Variants in RGS8 observed in about 807,000 individuals in gnomAD.
RGS8 encodes regulator of G-protein signaling 8.
RGS8 carries 8 observed loss-of-function variants against 21.7 expected under a neutral mutation model. That is an observed-to-expected ratio of 0.37 (90% CI 0.22 to 0.66). The LOEUF (loss-of-function observed/expected upper bound fraction) is 0.66, where lower values mean the gene tolerates loss of function less well. Among genes scored for constraint, RGS8 ranks in the 30% least tolerant of loss-of-function variants. RGS8 has a pLI of 0.59. For synonymous variants in RGS8, 80 were observed against 83.6 expected (o/e 0.96, Z 0.24); for missense variants, 157 against 217.9 (o/e 0.72, Z 1.76).
the RGS8 span, among the ~76,000 whole-genome samples, chr1:182,742,747 G>GAGGGAGAGGGACAGGGACAGGGAC: frequency 6.7e-6 from 1 of 150,296 alleles, no homozygotes; most frequent in Non-Finnish European, 1.5e-5. Context: ...GGGAGAGGGA[G>GAGGGAGAGGGACAGGGACAGGGAC]AGGGACAGGG....
chr1:182,671,543 G>T, intron 2 of RGS8, 114 bp downstream of exon 3: 2 of 873,096 alleles, frequency 2.3e-6, no homozygotes, highest in Non-Finnish European at 3.7e-6. Context: ...TAGAGCCTCC[G>T]AGGGAAGAAA....
the RGS8 span, among the ~76,000 whole-genome samples, chr1:182,695,858 G>T: frequency 6.6e-6 from 1 of 152,090 alleles, no homozygotes; most frequent in Non-Finnish European, 1.5e-5. Flanking sequence ...TAAATATTGG[G>T]TTATATACAT....
the RGS8 span, among the ~76,000 whole-genome samples, chr1:182,696,415 T>A: frequency 6.6e-6 from 1 of 152,214 alleles, no homozygotes; most frequent in African/African-American, 2.4e-5. Flanking sequence ...TGGAATGTAG[T>A]GTCATGATCT....
intron 2 of RGS8, among the ~76,000 whole-genome samples, chr1:182,671,417 A>C (rs569946560): frequency 6.6e-6 from 1 of 152,348 alleles, no homozygotes; most frequent in African/African-American, 2.4e-5. Flanking sequence ...GTGGGCATCA[A>C]GTCACAGGTG....
chr1:182,740,880 C>T, the RGS8 span, among the ~76,000 whole-genome samples: 1 of 152,092 alleles, frequency 6.6e-6, no homozygotes, highest in East Asian at 1.9e-4. Flanking sequence ...GGTAAGGTCA[C>T]CTATCAACAG....
chr1:182,723,331 G>C, the RGS8 span, among the ~76,000 whole-genome samples: 1 of 152,192 alleles, frequency 6.6e-6, no homozygotes, highest in Non-Finnish European at 1.5e-5. Flanking sequence ...ACTAGGGCTG[G>C]AGAATCGGCT....
the RGS8 span, among the ~76,000 whole-genome samples, chr1:182,751,923 T>C: frequency 6.6e-6 from 1 of 152,206 alleles, no homozygotes; most frequent in African/African-American, 2.4e-5. Context: ...TTTTGTTTTA[T>C]TTGAATTTGA....
chr1:182,722,291 T>C, the RGS8 span, among the ~76,000 whole-genome samples: 2 of 148,146 alleles, frequency 1.4e-5, no homozygotes, highest in Admixed American at 6.8e-5. Context: ...GGTCACCTAA[T>C]TGTATTTGTT....
At chr1:182,740,828 C>A in the RGS8 span, among the ~76,000 whole-genome samples, 1 of 151,902 alleles carries the variant, frequency 6.6e-6, no homozygotes, top group Non-Finnish European at 1.5e-5. Flanking sequence ...CCATTCAACC[C>A]TGAGTGGATA....
At chr1:182,663,143 C>T (rs1009381800) in intron 5 of RGS8, among the ~76,000 whole-genome samples, 3 of 152,152 alleles carry the variant, frequency 2.0e-5, no homozygotes, top group African/African-American at 7.2e-5. Context: ...GCTCCACAAA[C>T]CTCTGATCAA....
chr1:182,685,948 T>A (rs1664691866), upstream of RGS8, among the ~76,000 whole-genome samples: 1 of 152,006 alleles, frequency 6.6e-6, no homozygotes, highest in Non-Finnish European at 1.5e-5. Context: ...GAGAAGTGAG[T>A]TAAGCACTCA....
intron 2 of RGS8, among the ~76,000 whole-genome samples, chr1:182,671,154 G>T (rs2102444755): frequency 2.0e-5 from 3 of 152,248 alleles, no homozygotes; most frequent in Admixed American, 2.0e-4. Flanking sequence ...ATGCTGTTCA[G>T]TTGCCTGTCT....
At chr1:182,670,231 T>C (rs900739750) in intron 2 of RGS8, among the ~76,000 whole-genome samples, 5 of 148,874 alleles carry the variant, frequency 3.4e-5, no homozygotes, top group Admixed American at 2.7e-4. Context: ...GGGAGGGAGG[T>C]TGGAGGAACT....
At chr1:182,667,008 C>G in intron 3 of RGS8, 35 bp from the exon 5 acceptor site, 1 of 1,536,204 alleles carries the variant, frequency 6.5e-7, no homozygotes, top group South Asian at 1.1e-5. Context: ...GACGGGGAAA[C>G]TCTCATGATC....
intron 1 of RGS8, among the ~76,000 whole-genome samples, chr1:182,678,011 A>C (rs1402439164): frequency 6.6e-6 from 1 of 152,218 alleles, no homozygotes; most frequent in Non-Finnish European, 1.5e-5. Context: ...TTCAAATGTA[A>C]AATTTTAAAA....
intron 5 of RGS8, among the ~76,000 whole-genome samples, chr1:182,655,966 A>T (rs1663255467): frequency 6.6e-6 from 1 of 152,168 alleles, no homozygotes; most frequent in Admixed American, 6.5e-5. Context: ...GTGCCTTAAC[A>T]TCTCCAAGCC....
the RGS8 span, among the ~76,000 whole-genome samples, chr1:182,742,184 G>A: frequency 6.6e-6 from 1 of 150,522 alleles, no homozygotes; most frequent in Non-Finnish European, 1.5e-5. Context: ...ATGTGATGGC[G>A]GCCGGGAAGA....
At chr1:182,736,614 A>G in the RGS8 span, among the ~76,000 whole-genome samples, 1 of 152,244 alleles carries the variant, frequency 6.6e-6, no homozygotes, top group African/African-American at 2.4e-5. Flanking sequence ...AACCTATGTC[A>G]TGGATGTTAG....
chr1:182,694,278 T>A, the RGS8 span, among the ~76,000 whole-genome samples: 1,255 of 152,316 alleles, frequency 8.2e-3, 14 homozygotes, highest in African/African-American at 0.026. Flanking sequence ...CTAATACAGC[T>A]TTGCAAGCTA....
Sources: allele counts gnomAD v4.1 joint callset (sites outside exome capture counted in the v4.1 genomes callset), GRCh38; gene constraint gnomAD v4.1.1; transcripts MANE v1.5; gene names NCBI Gene and HGNC (gene_info 2026-07-23, HGNC 2026-07-21).